The following RYR1 variants were observed in gnomAD, a reference collection of about 807,000 sequenced individuals.
RYR1 encodes the protein central core disease of muscle.
Under a neutral mutation model 583.5 loss-of-function variants are expected in RYR1, and 342 were observed. The ratio of observed to expected loss-of-function variants is 0.59; its 90% CI spans 0.54 to 0.64. The LOEUF is 0.64. RYR1 is among the 30% of genes least tolerant of loss of function. RYR1 has a pLI of 0.00. For synonymous variants in RYR1, 2,791 were observed against 2,822.5 expected (o/e 0.99, Z 0.35); for missense variants, 6,032 against 6,917.2 (o/e 0.87, Z 4.54).
chr19:38,489,507 G>C (rs1969457422), intron 35 of RYR1, 64 bp downstream of exon 35: 1 of 1,592,752 alleles, frequency 6.3e-7, no homozygotes, highest in East Asian at 2.2e-5. Flanking sequence ...AGGGTAGGTG[G>C]GATGTGAGTC....
intron 81 of RYR1, 64 bp downstream of exon 81, chr19:38,535,456 T>C: frequency 1.6e-6 from 2 of 1,220,794 alleles, no homozygotes; most frequent in Non-Finnish European, 2.4e-6. Context: ...CCACTCCTGG[T>C]ACCATTTCCA....
intron 102 of RYR1, 148 bp from the exon 103 acceptor site, chr19:38,585,790 G>C: frequency 1.0e-6 from 1 of 981,356 alleles, no homozygotes; most frequent in Non-Finnish European, 1.6e-6. Context: ...GCCAATAAAG[G>C]CCTAATACTA....
At chr19:38,528,033 G>T in intron 73 of RYR1, 1 of 619,578 alleles carries the variant, frequency 1.6e-6, no homozygotes, top group South Asian at 1.9e-5. Context: ...TAGAGGAGAT[G>T]CGTTGAGTTT....
In RYR1 at chr19:38,528,473, G is replaced by C. The variant is rs933211955; in HGVS notation, c.10937+55G>C. ...AAGGGCTGCGGAGAAAGGGTGGCTG[G>C]AGAGTCTGGAGAATGGAGGGCCAAC... On this transcript the variant is annotated intron_variant, in intron 74 of 105. Coordinates refer to ENST00000359596, the MANE Select transcript of RYR1 (RefSeq NM_000540.3). 3 of 1,601,926 alleles carry C rather than the reference G, an allele frequency of 1.9e-6. No individual in the cohort carries two copies. In the East Asian group the frequency reaches 6.7e-5, roughly 36 times the overall value.
At chr19:38,478,821 G>T (rs1968874079) in intron 31 of RYR1, among the ~76,000 whole-genome samples, 1 of 152,236 alleles carries the variant, frequency 6.6e-6, no homozygotes, top group Non-Finnish European at 1.5e-5. Context: ...AGACTGGAGT[G>T]CAATGGGACG....
At chr19:38,503,935 A>T (rs1170573903) in intron 49 of RYR1, among the ~76,000 whole-genome samples, 1 of 152,150 alleles carries the variant, frequency 6.6e-6, no homozygotes, top group Non-Finnish European at 1.5e-5. Flanking sequence ...CCCATGGATT[A>T]ATATTAGCAC....
chr19:38,461,054 G>A (rs1021566989), intron 20 of RYR1, among the ~76,000 whole-genome samples: 4 of 152,132 alleles, frequency 2.6e-5, no homozygotes, highest in Non-Finnish European at 5.9e-5. Flanking sequence ...CTACTCGGGA[G>A]GCTGAGGCAG....
At position 38,561,158 on chromosome 19, in the gene RYR1, C is replaced by T; in HGVS notation, c.12328C>T (p.Leu4110=). ...GTTCAGCGGTCCAGAAATCCAGTTC[C>T]TGCTTTCGTGCTCCGAAGCGGATGA... ...KQFSGPEIQF[L]LSCSEADENE... The change falls in exon 90 of 106, where the codon CTG becomes TTG. Residue 4110 remains leucine (L), a synonymous_variant. Coordinates refer to ENST00000359596, the MANE Select transcript of RYR1 (RefSeq NM_000540.3). This position sits in a 1 kb window ranked among gnomAD's most constrained non-coding sequence, Gnocchi z 4.8. 1 of 1,614,182 alleles carries T rather than the reference C, an allele frequency of 6.2e-7. No homozygotes were observed. Among genetic ancestry groups the T allele is most frequent in the Non-Finnish European group, 8.5e-7 (1 of 1,180,028 alleles).
intron 9 of RYR1, among the ~76,000 whole-genome samples, chr19:38,447,266 C>T (rs569721891): frequency 4.0e-5 from 6 of 151,698 alleles, no homozygotes; most frequent in Admixed American, 1.3e-4. Flanking sequence ...AGAGGCCAAG[C>T]GTGGTGGCTC....
chr19:38,550,876 T>C (rs1255100773), intron 89 of RYR1, among the ~76,000 whole-genome samples: 5 of 152,074 alleles, frequency 3.3e-5, no homozygotes, highest in Non-Finnish European at 7.4e-5. Flanking sequence ...ATTATTCCTC[T>C]AGTAGCTGAC....
At chr19:38,551,807 C>T (rs1252919258) in intron 89 of RYR1, among the ~76,000 whole-genome samples, 1 of 152,168 alleles carries the variant, frequency 6.6e-6, no homozygotes, top group Admixed American at 6.5e-5. Flanking sequence ...CTGATCCCTC[C>T]TAGCCTCTTA....
chr19:38,582,211 A>G (rs2145903309), intron 101 of RYR1, among the ~76,000 whole-genome samples: 1 of 151,952 alleles, frequency 6.6e-6, no homozygotes, highest in South Asian at 2.1e-4. Context: ...CGGCCTGACC[A>G]ACATGGAGAA....
Position 38,446,580 on chromosome 19 carries a change from C to T in RYR1, c.725+15C>T, listed in dbSNP as rs745792543. On this transcript the variant is annotated intron_variant, in intron 8 of 105. Transcript: ENST00000359596. ...GACCAGCGCAGGTCTGGGCTGTGGA[C>T]GAGAGGGCCTGGGGTCTAGGGGTGG... 14 of 1,611,328 alleles carry T rather than the reference C, an allele frequency of 8.7e-6. No individual in the cohort carries two copies. Among genetic ancestry groups the T allele is most frequent in the Admixed American group, 8.3e-5 (5 of 60,012 alleles).
rs555354948 is a variant in RYR1 at position 38,467,613 on chromosome 19, A to G, written c.3182A>G (p.Gln1061Arg). 117 of 1,614,166 alleles carry G rather than the reference A, an allele frequency of 7.2e-5. 2 individuals carry two copies. The South Asian group carries it at 1.2e-3, about 17-fold the overall frequency. ...CTCTGCCTGGCCTCATTTATAGGTCAGGTGGAGAACCAGTCTCGTTGTGAC... is the reference window on the plus strand; with the variant it reads ...CTCTGCCTGGCCTCATTTATAGGTCGGGTGGAGAACCAGTCTCGTTGTGAC... ...NIEPPDQEPS[Q>R]VENQSRCDRV... The change falls in exon 25 of 106, where the codon CAG becomes CGG. Residue 1061 changes from glutamine to arginine, a missense_variant. Around this residue, in one of 11 missense-constraint regions of RYR1, gnomAD observed 2,627 missense variants for 2,961.3 expected, o/e 0.89. Transcript: ENST00000359596.
In RYR1 at chr19:38,442,401, CTG is replaced by C; in HGVS notation, c.221_222del (p.Val74AlafsTer9). 6.2e-7 allele frequency: 1 copy of C among 1,613,556 alleles called. No homozygotes were observed. The highest frequency in any genetic ancestry group is 8.5e-7 in the Non-Finnish European group (1 of 1,179,728). On this transcript the variant is annotated frameshift_variant, in exon 3 of 106. Coordinates refer to ENST00000359596, the MANE Select transcript of RYR1 (RefSeq NM_000540.3). LOFTEE classifies it high-confidence loss of function. ...TGCTTCGTCCTGGAGCAGTCCCTGT[CTG>C]TGCGAGCCCTGCAGGAGATGCTGGC...
chr19:38,451,683 A>G, intron 11 of RYR1, 81 bp from the exon 12 acceptor site: 1 of 1,567,272 alleles, frequency 6.4e-7, no homozygotes, highest in South Asian at 1.1e-5. Context: ...GCAAGTGCAG[A>G]ACTCAAGTCT....
intron 22 of RYR1, among the ~76,000 whole-genome samples, chr19:38,464,278 GAAAAAAAAAAAAAAAAAA>G (rs547288253): frequency 1.6e-5 from 1 of 64,224 alleles, no homozygotes; most frequent in Non-Finnish European, 2.7e-5. Context: ...CACCGTTTCA[GAAAAAAAAAAAAAAAAAA>G]AAAAAAAAAA....
chr19:38,482,080 AC>A (rs899170307), intron 31 of RYR1, among the ~76,000 whole-genome samples: 1 of 151,974 alleles, frequency 6.6e-6, no homozygotes, highest in Non-Finnish European at 1.5e-5. Flanking sequence ...ACAGAGTGAG[AC>A]GTCATCTCAA....
chr19:38,461,230 C>T (rs1177253198), intron 20 of RYR1, among the ~76,000 whole-genome samples: 2 of 151,910 alleles, frequency 1.3e-5, no homozygotes, highest in Non-Finnish European at 2.9e-5. Flanking sequence ...CCCGAAAGTT[C>T]GAGATTAGTA....
Sources: gnomAD v4.1 joint callset for allele counts (sites outside exome capture counted in the v4.1 genomes callset) on GRCh38, gnomAD v4.1.1 for gene constraint, gnomAD v4.1.1 regional missense constraint, Gnocchi (gnomAD v3.1) non-coding constraint, MANE v1.5 for transcripts, NCBI Gene and HGNC (gene_info 2026-07-23, HGNC 2026-07-21) for gene names.